Variants in CNTN4 observed in about 807,000 individuals in gnomAD.
The protein encoded by CNTN4 is contactin 4, also known as contactin-4.
A neutral mutation model predicts 122.5 loss-of-function variants in CNTN4; 77 were observed. That is an observed-to-expected ratio of 0.63 (90% CI 0.52 to 0.76). CNTN4 has a LOEUF of 0.76. Among genes scored for constraint, CNTN4 ranks in the 30% least tolerant of loss-of-function variants. The pLI, the probability that CNTN4 is intolerant of heterozygous loss-of-function variation, is 0.00. For missense variants in CNTN4, 1,256 were observed against 1,259.1 expected (o/e 1.00, Z 0.04); for synonymous variants, 512 against 447.0 (o/e 1.15, Z -1.83).
intron 12 of CNTN4, among the ~76,000 whole-genome samples, chr3:2,918,083 G>A (rs187554020): frequency 6.6e-6 from 1 of 152,192 alleles, no homozygotes; most frequent in East Asian, 1.9e-4. Context: ...ATAGCACAAA[G>A]GCAAAATATA....
intron 2 of CNTN4, among the ~76,000 whole-genome samples, chr3:2,225,851 G>A (rs1457419296): frequency 6.6e-6 from 1 of 152,106 alleles, no homozygotes; most frequent in Non-Finnish European, 1.5e-5. Flanking sequence ...AATCTTATGG[G>A]TCTCTCCTTT....
chr3:2,467,675 A>T (rs1256703167), intron 3 of CNTN4, among the ~76,000 whole-genome samples: 1 of 152,230 alleles, frequency 6.6e-6, no homozygotes, highest in African/African-American at 2.4e-5. Context: ...ACTAATTAAT[A>T]ACTTATTATT....
intron 2 of CNTN4, among the ~76,000 whole-genome samples, chr3:2,156,207 G>T (rs538782545): frequency 9.8e-4 from 150 of 152,294 alleles, no homozygotes; most frequent in African/African-American, 3.3e-3. Context: ...TCCTGCCTCA[G>T]TGCTTCCATA....
chr3:2,476,448 A>G (rs939178889), intron 3 of CNTN4, among the ~76,000 whole-genome samples: 2 of 152,224 alleles, frequency 1.3e-5, no homozygotes, highest in Non-Finnish European at 2.9e-5. Flanking sequence ...TGTATGTACT[A>G]TGTTTGCATG....
intron 4 of CNTN4, 131 bp from the exon 5 acceptor site, chr3:2,736,084 A>G: frequency 1.1e-6 from 1 of 937,378 alleles, no homozygotes; most frequent in Non-Finnish European, 1.7e-6. Context: ...CTAGAAGCTG[A>G]AACACAGCCT....
intron 13 of CNTN4, among the ~76,000 whole-genome samples, chr3:2,956,286 G>T (rs1056091215): frequency 6.6e-6 from 1 of 152,106 alleles, no homozygotes; most frequent in Non-Finnish European, 1.5e-5. Context: ...TGATGGGAAG[G>T]GGGTAATGGG....
At chr3:2,935,405 C>G (rs1284985969) in intron 13 of CNTN4, among the ~76,000 whole-genome samples, 1 of 152,158 alleles carries the variant, frequency 6.6e-6, no homozygotes, top group Non-Finnish European at 1.5e-5. Context: ...TCCTTTGCCA[C>G]TCCCCTGGTT....
At chr3:2,643,089 C>T (rs1576323167) in intron 4 of CNTN4, among the ~76,000 whole-genome samples, 1 of 152,332 alleles carries the variant, frequency 6.6e-6, no homozygotes, top group African/African-American at 2.4e-5. Flanking sequence ...TAAACTCTAT[C>T]ATCTCTATGG....
intron 3 of CNTN4, among the ~76,000 whole-genome samples, chr3:2,485,625 G>T (rs1377173852): frequency 1.3e-5 from 2 of 151,982 alleles, no homozygotes; most frequent in East Asian, 3.9e-4. Context: ...TAATCTGGGG[G>T]GGACTTGGAG....
intron 4 of CNTN4, among the ~76,000 whole-genome samples, chr3:2,637,768 C>T (rs1238707580): frequency 1.3e-5 from 2 of 152,092 alleles, no homozygotes; most frequent in Non-Finnish European, 2.9e-5. Flanking sequence ...CTCTGATGTC[C>T]CTCTAGATCT....
chr3:2,406,695 C>T (rs770377733), intron 3 of CNTN4, among the ~76,000 whole-genome samples: 2 of 151,966 alleles, frequency 1.3e-5, no homozygotes, highest in Non-Finnish European at 2.9e-5. Context: ...TCACATTGTC[C>T]ATCTGTAAAG....
chr3:2,796,767 A>G (rs1350312973), intron 6 of CNTN4, among the ~76,000 whole-genome samples: 1 of 152,218 alleles, frequency 6.6e-6, no homozygotes, highest in African/African-American at 2.4e-5. Context: ...ATTAAGGGAA[A>G]GGTGACAACT....
chr3:2,726,906 G>A (rs969670916), intron 4 of CNTN4, among the ~76,000 whole-genome samples: 3 of 152,134 alleles, frequency 2.0e-5, no homozygotes, highest in African/African-American at 4.8e-5. Flanking sequence ...TTAACAATAC[G>A]GGAAACTGTG....
chr3:2,217,071 G>A (rs994200994), intron 2 of CNTN4, among the ~76,000 whole-genome samples: 1 of 152,168 alleles, frequency 6.6e-6, no homozygotes. Flanking sequence ...TACATGAAAT[G>A]TAGGATGAGA....
At chr3:2,614,657 T>G (rs1349752945) in intron 4 of CNTN4, among the ~76,000 whole-genome samples, 1 of 152,114 alleles carries the variant, frequency 6.6e-6, no homozygotes, top group Non-Finnish European at 1.5e-5. Flanking sequence ...ACGATGAATT[T>G]TTCTCAGAGA....
chr3:2,561,593 T>G (rs2078958377), intron 3 of CNTN4, among the ~76,000 whole-genome samples: 1 of 152,136 alleles, frequency 6.6e-6, no homozygotes, highest in African/African-American at 2.4e-5. Context: ...CCAGCAAGTT[T>G]GCCGACTCAA....
At chr3:2,802,262 A>G (rs1165565638) in intron 6 of CNTN4, among the ~76,000 whole-genome samples, 1 of 152,150 alleles carries the variant, frequency 6.6e-6, no homozygotes, top group Non-Finnish European at 1.5e-5. Flanking sequence ...TGGACTTGTG[A>G]AGAGCAGCAA....
intron 13 of CNTN4, among the ~76,000 whole-genome samples, chr3:2,940,690 C>A (rs1291354019): frequency 6.6e-6 from 1 of 151,748 alleles, no homozygotes; most frequent in Non-Finnish European, 1.5e-5. Context: ...CCTCTGTTCT[C>A]TGTGGGTAGG....
chr3:2,181,519 G>A (rs144731443), intron 2 of CNTN4, among the ~76,000 whole-genome samples: 7 of 152,172 alleles, frequency 4.6e-5, no homozygotes, highest in Non-Finnish European at 7.4e-5. Context: ...ATTGTCCTAT[G>A]TCACATTGTA....
Sources: allele counts gnomAD v4.1 joint callset (sites outside exome capture counted in the v4.1 genomes callset), GRCh38; gene constraint gnomAD v4.1.1; transcripts MANE v1.5; gene names NCBI Gene and HGNC (gene_info 2026-07-23, HGNC 2026-07-21).